The following SLC16A4 variants were observed in gnomAD, a reference collection of about 807,000 sequenced individuals.
SLC16A4 encodes the protein probable monocarboxylate transporter 5.
A neutral mutation model predicts 47.9 loss-of-function variants in SLC16A4; 39 were observed. The ratio of observed to expected loss-of-function variants is 0.81; its 90% confidence interval spans 0.63 to 1.06. The LOEUF (loss-of-function observed/expected upper bound fraction) is 1.06. Ranked by LOEUF, SLC16A4 falls within the 50% of genes least tolerant of loss-of-function variation. The probability of loss-of-function intolerance (pLI) is 0.00; values close to 1 mark genes in which losing one functional copy is unlikely to be tolerated. For synonymous variants in SLC16A4, 189 were observed against 199.9 expected, an observed-to-expected ratio of 0.95 and a Z score of 0.46; for missense variants, 524 against 573.8, an observed-to-expected ratio of 0.91 and a Z score of 0.89.
chr1:110,383,376 C>T (rs548154209), intron 2 of SLC16A4, among the ~76,000 whole-genome samples: 17 of 152,248 alleles, frequency 1.1e-4, no homozygotes, highest in African/African-American at 3.6e-4. Context: ...TCAGTTTCCC[C>T]GAGCTTTTGG....
rs752564765 is a variant in SLC16A4, at chr1:110,379,229, A to G, written c.654T>C (p.His218=). 5.0e-6 allele frequency: 8 copies of G among 1,614,218 alleles called. No homozygotes were observed. The highest frequency in any genetic ancestry group is 1.1e-5 in the South Asian group (1 of 91,088). The change falls in exon 6 of 9, where the codon CAT becomes CAC. Residue 218 remains histidine (H), a synonymous_variant. Coordinates refer to ENST00000369779, the MANE Select transcript of SLC16A4 (RefSeq NM_004696.3). Reference sequence around the variant, plus strand: ...TTTCTGTTGCATGTGCCTCTGGACCATGTGCAGACAAACTGCTGCCTTTAT... The same window carrying G: ...TTTCTGTTGCATGTGCCTCTGGACCGTGTGCAGACAAACTGCTGCCTTTAT... ...IKDKGSSLSA[H]GPEAHATETH...
chr1:110,368,985 C>T (rs1483244831), intron 8 of SLC16A4, among the ~76,000 whole-genome samples: 7 of 147,780 alleles, frequency 4.7e-5, no homozygotes, highest in Non-Finnish European at 8.9e-5. Flanking sequence ...GATGGAGTCT[C>T]GCCCTGTCGC....
intron 8 of SLC16A4, among the ~76,000 whole-genome samples, chr1:110,365,942 C>CTTTCT (rs887766476): frequency 1.3e-5 from 2 of 151,986 alleles, no homozygotes; most frequent in African/African-American, 2.4e-5. Flanking sequence ...TAAGCCTTTT[C>CTTTCT]TTTCTTTTCT....
At chr1:110,381,819 T>C (rs1177077199) in intron 3 of SLC16A4, 24 bp from the exon 4 acceptor site, 3 of 1,602,464 alleles carry the variant, frequency 1.9e-6, no homozygotes, top group African/African-American at 2.7e-5. Flanking sequence ...AGAAAGGCAA[T>C]TCTTAGGTAA....
intron 2 of SLC16A4, among the ~76,000 whole-genome samples, chr1:110,383,805 G>GGTTTTTTTTTTT (rs1557913543): frequency 9.1e-5 from 6 of 65,758 alleles, no homozygotes; most frequent in East Asian, 1.1e-3. Context: ...TTAAAAGGAG[G>GGTTTTTTTTTTT]TTTTTTTTTT....
chr1:110,380,871 A>G, intron 5 of SLC16A4, 111 bp downstream of exon 5: 3 of 923,580 alleles, frequency 3.2e-6, no homozygotes, highest in Admixed American at 2.0e-5. Flanking sequence ...CTCTCTTGCA[A>G]TACCTTGTGA....
chr1:110,386,825 G>C (rs1303299987), intron 2 of SLC16A4, among the ~76,000 whole-genome samples: 1 of 152,130 alleles, frequency 6.6e-6, no homozygotes, highest in African/African-American at 2.4e-5. Flanking sequence ...CTGTCATTCT[G>C]CTACTCCACT....
chr1:110,367,930 A>G (rs1280147340), intron 8 of SLC16A4, among the ~76,000 whole-genome samples: 1 of 152,012 alleles, frequency 6.6e-6, no homozygotes, highest in Non-Finnish European at 1.5e-5. Flanking sequence ...CCGGATTCAC[A>G]CCATTCTCCT....
chr1:110,365,880 CA>C (rs1367304769), intron 8 of SLC16A4, among the ~76,000 whole-genome samples: 2 of 152,318 alleles, frequency 1.3e-5, no homozygotes, highest in Admixed American at 1.3e-4. Flanking sequence ...ACTAAAATGT[CA>C]GATAGCACAG....
chr1:110,385,299 T>C (rs1662675830), intron 2 of SLC16A4, among the ~76,000 whole-genome samples: 1 of 152,306 alleles, frequency 6.6e-6, no homozygotes, highest in African/African-American at 2.4e-5. Context: ...GCTTTTATGA[T>C]GGGGGAGGCG....
At chr1:110,365,405 T>C (rs1450073658) in intron 8 of SLC16A4, among the ~76,000 whole-genome samples, 1 of 152,098 alleles carries the variant, frequency 6.6e-6, no homozygotes, top group Non-Finnish European at 1.5e-5. Context: ...TTATTTTTGT[T>C]TTATAGCTCT....
chr1:110,366,129 C>CAT (rs1475917767), intron 8 of SLC16A4, among the ~76,000 whole-genome samples: 6 of 141,480 alleles, frequency 4.2e-5, no homozygotes, highest in Middle Eastern at 3.2e-3. Flanking sequence ...CACACACACA[C>CAT]ACACTCTTTC....
intron 6 of SLC16A4, 119 bp downstream of exon 6, chr1:110,378,733 TC>T (rs1181824037): frequency 7.6e-7 from 1 of 1,323,600 alleles, no homozygotes; most frequent in Non-Finnish European, 1.0e-6. Flanking sequence ...AATTTTACTT[TC>T]TCTGGCCCTT....
At chr1:110,382,808 C>G (rs372454523) in intron 3 of SLC16A4, 26 bp downstream of exon 3, 2 of 1,546,500 alleles carry the variant, frequency 1.3e-6, no homozygotes, top group Non-Finnish European at 8.8e-7. Flanking sequence ...TCTCCTTAGA[C>G]AGCAAGCTTA....
At chr1:110,375,394 T>A in intron 8 of SLC16A4, 64 bp downstream of exon 8, 2 of 906,148 alleles carry the variant, frequency 2.2e-6, no homozygotes, top group Non-Finnish European at 3.7e-6. Context: ...TTACCATTAA[T>A]CCTGGATCAG....
At chr1:110,388,317 C>T (rs1182779507) in intron 2 of SLC16A4, among the ~76,000 whole-genome samples, 1 of 152,150 alleles carries the variant, frequency 6.6e-6, no homozygotes, top group Non-Finnish European at 1.5e-5. Context: ...AAATGGAATG[C>T]CTCGTCTAGT....
At chr1:110,377,267 T>C (rs1277408579) in intron 6 of SLC16A4, 106 bp from the exon 7 acceptor site, 4 of 883,644 alleles carry the variant, frequency 4.5e-6, no homozygotes. Flanking sequence ...GGCCAGGATA[T>C]GTGAGGAAAA....
At position 110,381,738 on chromosome 1, in the gene SLC16A4, C is replaced by T; in HGVS notation, c.278G>A (p.Gly93Glu). The T allele has an allele frequency of 6.2e-7, 1 of 1,613,482 alleles. No homozygotes were observed. Among genetic ancestry groups the T allele is most frequent in the Non-Finnish European group, 8.5e-7 (1 of 1,179,762 alleles). Residue 93 changes from glycine (G) to glutamate (E), a missense_variant, in exon 4 of 9, where the codon GGG becomes GAG. Gly to Glu is a moderately conservative substitution (Grantham distance 98). Coordinates refer to ENST00000369779, the MANE Select transcript of SLC16A4 (RefSeq NM_004696.3). The part of the protein sequence containing the change: ...ILGEKTTSIL[G>E]AFVVTGGYLI... ...ATATCCACCAGTAACAACGAAAGCC[C>T]CAAGAATGGAGGTAGTTTTCTCTCC...
intron 2 of SLC16A4, among the ~76,000 whole-genome samples, chr1:110,384,832 G>A (rs890060703): frequency 1.3e-5 from 2 of 152,094 alleles, no homozygotes; most frequent in East Asian, 1.9e-4. Context: ...GCAACATGGC[G>A]AAACCCCGTC....
Sources: gnomAD v4.1 joint callset for allele counts (sites outside exome capture counted in the v4.1 genomes callset) on GRCh38, gnomAD v4.1.1 for gene constraint, MANE v1.5 for transcripts, NCBI Gene and HGNC (gene_info 2026-07-23, HGNC 2026-07-21) for gene names.